PIGA: variants seen among roughly 807,000 people sequenced by gnomAD.
PIGA encodes the protein phosphatidylinositol N-acetylglucosaminyltransferase subunit A.
In PIGA, 3 loss-of-function variants were observed where a neutral mutation model predicts 17.1. That is an observed-to-expected ratio of 0.18 (90% CI 0.08 to 0.45). The LOEUF is 0.45. Ranked by LOEUF, PIGA falls within the 20% of genes least tolerant of loss-of-function variation. The pLI, the probability that PIGA is intolerant of heterozygous loss-of-function variation, is 0.99. For synonymous variants in PIGA, 126 were observed against 135.1 expected (o/e 0.93, Z 0.47); for missense variants, 231 against 374.1 (o/e 0.62, Z 3.16).
At chrX:15,334,045 G>A (rs1027668341) in intron 1 of PIGA, among the ~76,000 whole-genome samples, 1 of 111,018 alleles carries the variant, frequency 9.0e-6, no homozygotes, top group African/African-American at 3.3e-5. Flanking sequence ...AGATTTCCAA[G>A]GCTCCAGAAA....
chrX:15,327,268 A>C (rs1486822097), intron 2 of PIGA: 3 of 108,520 alleles, frequency 2.8e-5, no homozygotes, highest in African/African-American at 1.0e-4. Context: ...CAAAAAAAAA[A>C]AAACAAAAAA....
chrX:15,331,436 C>T lies in PIGA; in HGVS notation c.495G>A (p.Val165=). The T allele has an allele frequency of 8.3e-7, 1 of 1,211,199 alleles. No individual in the cohort carries two copies. Among genetic ancestry groups the T allele is most frequent in the Non-Finnish European group, 1.1e-6 (1 of 894,819 alleles). Reference sequence around the variant, plus strand: ...ACACGGTTAGAAGCTTGTTTGTAAGCACCGAGCTGACATCAGCAAATCCAA... The same window carrying T: ...ACACGGTTAGAAGCTTGTTTGTAAGTACCGAGCTGACATCAGCAAATCCAA... The part of the protein sequence containing the change: ...SLFGFADVSS[V]LTNKLLTVSL... The change falls in exon 2 of 6, where the codon GTG becomes GTA. Residue 165 remains valine (V), a synonymous_variant. Coordinates refer to ENST00000333590, the MANE Select transcript of PIGA (RefSeq NM_002641.4).
In PIGA at chrX:15,331,699, T is replaced by C. The variant is rs776182358; in HGVS notation, c.232A>G (p.Lys78Glu). The C allele has an allele frequency of 2.8e-5, 34 of 1,211,966 alleles. No individual in the cohort carries two copies. Among genetic ancestry groups the C allele is most frequent in the Non-Finnish European group, 3.7e-5 (33 of 895,482 alleles). Residue 78 changes from lysine (K) to glutamate (E), a missense_variant, in exon 2 of 6, where the codon AAA (lysine) becomes GAA (glutamate). By Grantham distance (56) the Lys-to-Glu change is moderately conservative. Transcript: ENST00000333590. ...CCACTGGTGAGGTAACGGATGCCTT[T>C]TCGATTTCCATAAGCATGGGTGACA... ...IIVTHAYGNR[K>E]GIRYLTSGLK...
At position 15,321,777 on chromosome X, in the gene PIGA, A is replaced by T; in HGVS notation, c.1189-5T>A. On this transcript the variant is annotated splice_region_variant and splice_polypyrimidine_tract_variant and intron_variant, in intron 5 of 5. Coordinates refer to ENST00000333590, the MANE Select transcript of PIGA (RefSeq NM_002641.4). Reference sequence around the variant, plus strand: ...CACTGATACCCGGTCATATACCTGGAGGGAGAGAAGCCAAGTGTGAGCACT... The same window carrying T: ...CACTGATACCCGGTCATATACCTGGTGGGAGAGAAGCCAAGTGTGAGCACT... 1 of 1,205,843 alleles carries T rather than the reference A, an allele frequency of 8.3e-7. No individual in the cohort carries two copies. The highest frequency in any genetic ancestry group is 1.1e-6 in the Non-Finnish European group (1 of 890,545).
At chrX:15,323,393 G>T (rs1203016846) in intron 5 of PIGA, among the ~76,000 whole-genome samples, 1 of 111,063 alleles carries the variant, frequency 9.0e-6, no homozygotes, top group Admixed American at 9.6e-5. Flanking sequence ...GCTCCTAAAG[G>T]ATAACACTGG....
In PIGA at chrX:15,320,829, T is replaced by C. The variant is rs1921784830; in HGVS notation, c.*677A>G. 1 of 111,571 alleles carries C rather than the reference T, an allele frequency of 9.0e-6. No individual in the cohort carries two copies. Among genetic ancestry groups the C allele is most frequent in the Non-Finnish European group, 1.9e-5 (1 of 53,100 alleles). The allele number at this position is 111,571 out of a possible 1,213,427, so 9.2% of individuals were successfully genotyped here. On this transcript the variant is annotated 3_prime_UTR_variant, in exon 6 of 6. Coordinates refer to ENST00000333590, the MANE Select transcript of PIGA (RefSeq NM_002641.4). ...TTTGGCATGTTGGATATTGATCTCA[T>C]ATCAACCACAATTATGATGAAGTAA...
intron 5 of PIGA, among the ~76,000 whole-genome samples, chrX:15,322,646 G>A (rs1921850995): frequency 8.9e-6 from 1 of 111,998 alleles, no homozygotes; most frequent in Non-Finnish European, 1.9e-5. Context: ...ACTCAAGGAA[G>A]TTATAACATG....
intron 1 of PIGA, 102 bp from the exon 2 acceptor site, chrX:15,332,094 C>T: frequency 3.8e-6 from 2 of 521,826 alleles, no homozygotes; most frequent in South Asian, 8.1e-5. Flanking sequence ...AATTTGTTAG[C>T]TTTCCCCAGA....
chrX:15,333,225 T>C (rs1332886278), intron 1 of PIGA, among the ~76,000 whole-genome samples: 1 of 112,408 alleles, frequency 8.9e-6, no homozygotes, highest in Non-Finnish European at 1.9e-5. Context: ...CCCTGCTCTA[T>C]AGCTTAGCCA....
chrX:15,321,875 T>C, intron 5 of PIGA, 103 bp from the exon 6 acceptor site: 1 of 764,106 alleles, frequency 1.3e-6, no homozygotes, highest in Non-Finnish European at 1.9e-6. Flanking sequence ...TATAAACAAA[T>C]ACAAACAAAA....
chrX:15,332,796 G>A lies in PIGA; in HGVS notation c.-62-804C>T, dbSNP rs1049318270. Reference sequence around the variant, plus strand: ...CTACTGTGCTAGAGGGACAAGGGAAGAGATAATATGGAGAAGGAAGAGCTC... The same window carrying A: ...CTACTGTGCTAGAGGGACAAGGGAAAAGATAATATGGAGAAGGAAGAGCTC... On this transcript the variant is annotated intron_variant, in intron 1 of 5. Coordinates refer to ENST00000333590, the MANE Select transcript of PIGA (RefSeq NM_002641.4). Among the ~76,000 whole-genome samples the A allele has an allele frequency of 1.6e-4, 18 of 111,724 alleles. 1 individual carries two copies. The highest frequency in any genetic ancestry group is 3.8e-5 in the Non-Finnish European group (2 of 53,256).
chrX:15,327,607 A>T (rs1012851273), intron 2 of PIGA: 9 of 112,120 alleles, frequency 8.0e-5, no homozygotes, highest in Non-Finnish European at 1.7e-4. Context: ...TTTCATGTCT[A>T]CTAACAAATC....
At chrX:15,334,883 T>C (rs190478278) in intron 1 of PIGA, among the ~76,000 whole-genome samples, 103 of 112,061 alleles carry the variant, frequency 9.2e-4, no homozygotes, top group African/African-American at 3.2e-3. Flanking sequence ...AATACCTCTC[T>C]CGTTTTACAA....
chrX:15,323,412 G>A (rs981047897), intron 5 of PIGA, among the ~76,000 whole-genome samples: 3 of 111,089 alleles, frequency 2.7e-5, no homozygotes, highest in Non-Finnish European at 5.7e-5. Context: ...GGAATCTAGG[G>A]AGTGGTTGGG....
At chrX:15,333,215 C>T (rs1922219313) in intron 1 of PIGA, among the ~76,000 whole-genome samples, 1 of 112,073 alleles carries the variant, frequency 8.9e-6, no homozygotes, top group Non-Finnish European at 1.9e-5. Flanking sequence ...GTTTGCCAAC[C>T]CCTGCTCTAT....
At chrX:15,327,456 G>T (rs1375253560) in intron 2 of PIGA, among the ~76,000 whole-genome samples, 1 of 110,954 alleles carries the variant, frequency 9.0e-6, no homozygotes, top group African/African-American at 3.3e-5. Flanking sequence ...ATATTATAGG[G>T]TCATTTTTAT....
chrX:15,333,897 G>A (rs1290647104), intron 1 of PIGA, among the ~76,000 whole-genome samples: 1 of 111,703 alleles, frequency 9.0e-6, no homozygotes, highest in Non-Finnish European at 1.9e-5. Context: ...AGTGCGAAAT[G>A]TTTATCTCAG....
chrX:15,334,079 C>A (rs778697396), intron 1 of PIGA, among the ~76,000 whole-genome samples: 2 of 111,156 alleles, frequency 1.8e-5, no homozygotes, highest in South Asian at 7.5e-4. Flanking sequence ...CAATGAGAAG[C>A]CATCCTAAAG....
chrX:15,331,140 T>A, intron 2 of PIGA, 76 bp downstream of exon 2: 1 of 656,084 alleles, frequency 1.5e-6, no homozygotes, highest in Non-Finnish European at 2.3e-6. Context: ...AGCCAAACAA[T>A]CATTATATAC....
Sources: gnomAD v4.1 joint callset for allele counts (sites outside exome capture counted in the v4.1 genomes callset) on GRCh38, gnomAD v4.1.1 for gene constraint, MANE v1.5 for transcripts, NCBI Gene and HGNC (gene_info 2026-07-23, HGNC 2026-07-21) for gene names.